The following FARP2 variants were observed in gnomAD, a reference collection of about 807,000 sequenced individuals.
The protein encoded by FARP2 is FERM, ARH/RhoGEF and pleckstrin domain protein 2, also known as FERM, ARHGEF and pleckstrin domain-containing protein 2.
Under a neutral mutation model 130.5 loss-of-function variants are expected in FARP2, and 111 were observed. The observed-to-expected ratio is 0.85, with a 90% CI of 0.73 to 1.00. The LOEUF (loss-of-function observed/expected upper bound fraction) is 1.00, where lower values mean the gene tolerates loss of function less well. Among genes scored for constraint, FARP2 ranks in the 50% least tolerant of loss-of-function variants. FARP2 has a pLI of 0.00. For synonymous variants in FARP2, 504 were observed against 516.9 expected (o/e 0.98, Z 0.34); for missense variants, 1,385 against 1,346.3 (o/e 1.03, Z -0.45).
At chr2:241,385,690 A>G (rs2061767343) in intron 2 of FARP2, among the ~76,000 whole-genome samples, 1 of 152,198 alleles carries the variant, frequency 6.6e-6, no homozygotes, top group Admixed American at 6.5e-5. Context: ...ACTGCACTCC[A>G]GCCTGGGTGA....
At chr2:241,467,640 T>C (rs1336823128) in intron 17 of FARP2, among the ~76,000 whole-genome samples, 1 of 127,584 alleles carries the variant, frequency 7.8e-6, no homozygotes, top group African/African-American at 3.0e-5. Context: ...AGATCCAGTC[T>C]CAAAAAAAAA....
chr2:241,414,023 G>C (rs1408502716), intron 7 of FARP2, among the ~76,000 whole-genome samples: 1 of 152,048 alleles, frequency 6.6e-6, no homozygotes. Context: ...TGGCTATTGG[G>C]GGGGTGTCAG....
At chr2:241,484,859 G>T (rs2064712756) in intron 21 of FARP2, among the ~76,000 whole-genome samples, 1 of 152,120 alleles carries the variant, frequency 6.6e-6, no homozygotes, top group Non-Finnish European at 1.5e-5. Flanking sequence ...AGCTCTAGAG[G>T]CTATGTCCAC....
Position 241,468,363 on chromosome 2 carries a change from A to G in FARP2, c.2117A>G (p.Tyr706Cys). The G allele has an allele frequency of 6.2e-7, 1 of 1,611,394 alleles. No individual in the cohort carries two copies. The highest frequency in any genetic ancestry group is 8.5e-7 in the Non-Finnish European group (1 of 1,178,472). The change falls in exon 18 of 27, where the codon TAC becomes TGC. Residue 706 changes from tyrosine to cysteine, a missense_variant. By Grantham distance (194) the Tyr-to-Cys change is radical. Coordinates refer to ENST00000264042, the MANE Select transcript of FARP2 (RefSeq NM_014808.4). The part of the protein sequence containing the change: ...CGHYSPGHHD[Y>C]ADCHDALKAI... ...CATTACAGCCCCGGGCACCATGACTACGCTGACTGCCATGGTGAGTGTGGG... is the reference window on the plus strand; with the variant it reads ...CATTACAGCCCCGGGCACCATGACTGCGCTGACTGCCATGGTGAGTGTGGG...
intron 2 of FARP2, among the ~76,000 whole-genome samples, chr2:241,375,996 C>G (rs979354551): frequency 2.0e-5 from 3 of 152,168 alleles, no homozygotes; most frequent in Admixed American, 1.3e-4. Flanking sequence ...GTACCCTGTC[C>G]TCCACAACTG....
intron 8 of FARP2, among the ~76,000 whole-genome samples, chr2:241,428,256 A>AC (rs2063005509): frequency 8.0e-6 from 1 of 124,248 alleles, no homozygotes; most frequent in Non-Finnish European, 1.6e-5. Context: ...TTTTTTTGAG[A>AC]CGGAGTCTCC....
At chr2:241,399,920 C>A (rs2062124328) in intron 2 of FARP2, among the ~76,000 whole-genome samples, 1 of 152,160 alleles carries the variant, frequency 6.6e-6, no homozygotes. Flanking sequence ...AGATCATCCT[C>A]CCTGTACTGA....
chr2:241,453,925 G>A (rs1216326192), intron 13 of FARP2, among the ~76,000 whole-genome samples: 6 of 147,122 alleles, frequency 4.1e-5, no homozygotes, highest in Admixed American at 3.5e-4. Flanking sequence ...GTGGTATTAC[G>A]GGCACATGCC....
chr2:241,442,109 AGCGCCT>A (rs2063400264), intron 13 of FARP2: 1 of 397,504 alleles, frequency 2.5e-6, no homozygotes. Flanking sequence ...AGCCGGATGC[AGCGCCT>A]GCTGGGTCCT....
At chr2:241,478,466 C>G in intron 19 of FARP2, 1 of 271,982 alleles carries the variant, frequency 3.7e-6, no homozygotes, top group South Asian at 4.0e-5. Flanking sequence ...CACCTACTTT[C>G]TCACCACCCA....
chr2:241,434,434 C>A, intron 10 of FARP2, 113 bp downstream of exon 10: 2 of 745,006 alleles, frequency 2.7e-6, no homozygotes, highest in South Asian at 2.7e-5. Context: ...GAATTACACA[C>A]AAAGTGGAGG....
At chr2:241,393,328 G>A (rs1350499857) in intron 2 of FARP2, among the ~76,000 whole-genome samples, 1 of 151,992 alleles carries the variant, frequency 6.6e-6, no homozygotes, top group Non-Finnish European at 1.5e-5. Flanking sequence ...CCTCCTTATG[G>A]TTCTTAGTGC....
At chr2:241,399,617 T>C (rs1481853199) in intron 2 of FARP2, among the ~76,000 whole-genome samples, 1 of 152,218 alleles carries the variant, frequency 6.6e-6, no homozygotes, top group Non-Finnish European at 1.5e-5. Flanking sequence ...GCCTCTTTGT[T>C]GGGTTTTTGT....
intron 5 of FARP2, among the ~76,000 whole-genome samples, chr2:241,409,038 TGATAGATAGATA>T (rs56030352): frequency 1.0e-3 from 146 of 146,046 alleles, no homozygotes; most frequent in African/African-American, 2.8e-3. Context: ...GATAGATAGA[TGATAGATAGATA>T]GATAGATAGA....
intron 13 of FARP2, chr2:241,443,488 T>A (rs2063441085): frequency 1.3e-5 from 2 of 152,150 alleles, no homozygotes; most frequent in East Asian, 1.9e-4. Flanking sequence ...ATGGGAAGGG[T>A]CCCAGGGGCA....
intron 2 of FARP2, among the ~76,000 whole-genome samples, chr2:241,378,216 C>T (rs1259361831): frequency 1.3e-5 from 2 of 151,874 alleles, no homozygotes; most frequent in Non-Finnish European, 2.9e-5. Context: ...ATTCTCCTGC[C>T]TCAGCCTACT....
chr2:241,459,539 G>A lies in FARP2; in HGVS notation c.1587+2617G>A, dbSNP rs1267125756. Among the ~76,000 whole-genome samples, 3 of 152,166 alleles carry A rather than the reference G, an allele frequency of 2.0e-5. No homozygotes were observed. Among genetic ancestry groups the A allele is most frequent in the African/African-American group, 7.2e-5 (3 of 41,438 alleles). Reference sequence around the variant, plus strand: ...TGTCCCCTTTTTAATAGAGATTTGTGAGGATCGGCCACAGTCGAAAGGTAG... The same window carrying A: ...TGTCCCCTTTTTAATAGAGATTTGTAAGGATCGGCCACAGTCGAAAGGTAG... On this transcript the variant is annotated intron_variant, in intron 14 of 26. Coordinates refer to ENST00000264042, the MANE Select transcript of FARP2 (RefSeq NM_014808.4). The surrounding 1 kb of genome is among the most constrained non-coding windows in gnomAD (Gnocchi z 5.3).
At chr2:241,452,085 C>T (rs952345583) in intron 13 of FARP2, among the ~76,000 whole-genome samples, 2 of 152,204 alleles carry the variant, frequency 1.3e-5, no homozygotes, top group South Asian at 4.1e-4. Flanking sequence ...TATGCATTAT[C>T]AGTGTCAAAA....
At chr2:241,407,104 A>G (rs117959329) in intron 4 of FARP2, among the ~76,000 whole-genome samples, 196 of 152,312 alleles carry the variant, frequency 1.3e-3, no homozygotes, top group East Asian at 7.1e-3. Flanking sequence ...CACCGCGCCC[A>G]GCCCTACTTG....
Sources: allele counts gnomAD v4.1 joint callset (sites outside exome capture counted in the v4.1 genomes callset), GRCh38; gene constraint gnomAD v4.1.1; non-coding constraint Gnocchi (gnomAD v3.1); transcripts MANE v1.5; gene names NCBI Gene and HGNC (gene_info 2026-07-23, HGNC 2026-07-21).